TMEM74: variants seen among roughly 807,000 people sequenced by gnomAD.
TMEM74 encodes transmembrane protein 74.
In TMEM74, 13 loss-of-function variants were observed where a neutral mutation model predicts 18.1. The ratio of observed to expected loss-of-function variants is 0.72; its 90% CI spans 0.47 to 1.14. The LOEUF (loss-of-function observed/expected upper bound fraction) is 1.14. TMEM74 is among the 50% of genes most tolerant of loss of function. TMEM74 has a pLI of 0.00. For missense variants in TMEM74, 372 were observed against 375.9 expected (o/e 0.99, Z 0.09); for synonymous variants, 159 against 146.6 (o/e 1.08, Z -0.61).
intron 1 of TMEM74, among the ~76,000 whole-genome samples, chr8:108,771,644 C>A (rs908950518): frequency 1.3e-5 from 2 of 152,184 alleles, no homozygotes; most frequent in Non-Finnish European, 2.9e-5. Flanking sequence ...TCTTAAGAAT[C>A]TTTGCAAATT....
At chr8:108,621,160 A>G (rs1009882762) in intron 2 of TMEM74, among the ~76,000 whole-genome samples, 1 of 152,192 alleles carries the variant, frequency 6.6e-6, no homozygotes, top group African/African-American at 2.4e-5. Flanking sequence ...AGAGGTGATC[A>G]CAGAAAACAC....
chr8:108,703,125 C>A (rs758291066), intron 1 of TMEM74, among the ~76,000 whole-genome samples: 2 of 152,114 alleles, frequency 1.3e-5, no homozygotes, highest in African/African-American at 4.8e-5. Context: ...AATACGTGAT[C>A]TCTAAAGTTC....
chr8:108,639,109 A>C (rs1470949268), intron 2 of TMEM74, among the ~76,000 whole-genome samples: 1 of 152,134 alleles, frequency 6.6e-6, no homozygotes, highest in South Asian at 2.1e-4. Flanking sequence ...GGGTAATCGC[A>C]GAAGCCTGAG....
At chr8:108,657,857 AAAATATATATATATATATATATAT>A (rs1325958172) in intron 1 of TMEM74, among the ~76,000 whole-genome samples, 6 of 62,290 alleles carry the variant, frequency 9.6e-5, no homozygotes, top group Non-Finnish European at 1.4e-4. Flanking sequence ...AAAAAAAAAA[AAAATATATATATATATATATATAT>A]ATATATATAT....
chr8:108,711,720 T>G (rs1813477277), intron 1 of TMEM74, among the ~76,000 whole-genome samples: 1 of 152,174 alleles, frequency 6.6e-6, no homozygotes, highest in Non-Finnish European at 1.5e-5. Context: ...GCTCAGTCAC[T>G]GCCTGGCACC....
intron 2 of TMEM74, chr8:108,626,666 G>A (rs555940438): frequency 9.9e-5 from 15 of 152,090 alleles, no homozygotes; most frequent in African/African-American, 2.6e-4. Context: ...CAACGTTATC[G>A]TTCTTCCTGG....
At chr8:108,744,320 C>T (rs1813828583) in intron 1 of TMEM74, among the ~76,000 whole-genome samples, 1 of 152,016 alleles carries the variant, frequency 6.6e-6, no homozygotes, top group Admixed American at 6.6e-5. Context: ...TGGTAACAAC[C>T]AAAATGAGTA....
intron 2 of TMEM74, among the ~76,000 whole-genome samples, chr8:108,612,417 G>A (rs778471355): frequency 2.4e-4 from 36 of 152,108 alleles, no homozygotes; most frequent in Non-Finnish European, 4.1e-4. Context: ...AAATATTAAA[G>A]GGAAAGTATT....
At chr8:108,655,040 A>G (rs1307069369) in intron 2 of TMEM74, among the ~76,000 whole-genome samples, 1 of 152,162 alleles carries the variant, frequency 6.6e-6, no homozygotes, top group Admixed American at 6.6e-5. Flanking sequence ...ATGAAAGAAC[A>G]TCGATTTTCC....
chr8:108,751,130 T>C (rs1424854538), intron 1 of TMEM74, among the ~76,000 whole-genome samples: 2 of 152,106 alleles, frequency 1.3e-5, no homozygotes, highest in Non-Finnish European at 2.9e-5. Context: ...TGGGGACAGA[T>C]ACCTTACAAT....
intron 1 of TMEM74, among the ~76,000 whole-genome samples, chr8:108,736,658 AAG>A (rs1418986451): frequency 2.0e-5 from 3 of 152,102 alleles, no homozygotes; most frequent in Non-Finnish European, 4.4e-5. Flanking sequence ...CTCAAAAAAA[AAG>A]AGATCTAGAT....
At chr8:108,694,173 C>T (rs879836439) in intron 1 of TMEM74, among the ~76,000 whole-genome samples, 2 of 152,204 alleles carry the variant, frequency 1.3e-5, no homozygotes, top group Non-Finnish European at 2.9e-5. Context: ...AAATTGACCA[C>T]TTTAAAGTGT....
intron 1 of TMEM74, among the ~76,000 whole-genome samples, chr8:108,743,140 G>T (rs577148120): frequency 6.6e-6 from 1 of 152,198 alleles, no homozygotes; most frequent in South Asian, 2.1e-4. Context: ...CTTGTTACAG[G>T]CTAAGCCTCA....
At chr8:108,649,651 C>T (rs1812753394) in intron 2 of TMEM74, among the ~76,000 whole-genome samples, 1 of 152,158 alleles carries the variant, frequency 6.6e-6, no homozygotes, top group African/African-American at 2.4e-5. Flanking sequence ...ATATCTGACA[C>T]CAGACAAGCA....
intron 2 of TMEM74, among the ~76,000 whole-genome samples, chr8:108,624,741 T>A (rs1202369712): frequency 1.3e-5 from 2 of 152,042 alleles, no homozygotes; most frequent in Non-Finnish European, 1.5e-5. Context: ...TTTCCTTTTC[T>A]GTGGAGTTAA....
chr8:108,630,903 C>A (rs3019386), intron 2 of TMEM74, among the ~76,000 whole-genome samples: 31,999 of 151,836 alleles, frequency 0.21, 3,411 homozygotes, highest in East Asian at 0.27. Context: ...TCTACCCCAG[C>A]AGTTCAGGAC....
intron 2 of TMEM74, among the ~76,000 whole-genome samples, chr8:108,619,644 C>A (rs182316389): frequency 6.6e-6 from 1 of 152,296 alleles, no homozygotes; most frequent in East Asian, 1.9e-4. Flanking sequence ...TTAAGCATAG[C>A]TCCTGCTCTG....
intron 1 of TMEM74, among the ~76,000 whole-genome samples, chr8:108,665,076 C>T (rs112189088): frequency 0.012 from 1,763 of 152,060 alleles, 36 homozygotes; most frequent in African/African-American, 0.04. Flanking sequence ...CCTTGATATC[C>T]TTGTTTTCTC....
intron 1 of TMEM74, among the ~76,000 whole-genome samples, chr8:108,691,113 C>T (rs764527372): frequency 9.2e-5 from 14 of 152,296 alleles, no homozygotes; most frequent in Admixed American, 3.3e-4. Context: ...AGAATCTAAA[C>T]GGTTTCTTTT....
Sources: allele counts gnomAD v4.1 joint callset (sites outside exome capture counted in the v4.1 genomes callset), GRCh38; gene constraint gnomAD v4.1.1; transcripts MANE v1.5; gene names NCBI Gene and HGNC (gene_info 2026-07-23, HGNC 2026-07-21).